DCP2: variants seen among roughly 807,000 people sequenced by gnomAD.
DCP2 encodes decapping mRNA 2.
A neutral mutation model predicts 56.1 loss-of-function variants in DCP2; 30 were observed. The observed-to-expected ratio is 0.53, with a 90% CI of 0.40 to 0.73. The LOEUF (loss-of-function observed/expected upper bound fraction) is 0.73, where lower values mean the gene tolerates loss of function less well. DCP2 is among the 30% of genes least tolerant of loss of function. DCP2 has a pLI of 0.00. For missense variants in DCP2, 533 were observed against 502.7 expected (o/e 1.06, Z -0.58); for synonymous variants, 197 against 163.3 (o/e 1.21, Z -1.57).
intron 8 of DCP2, among the ~76,000 whole-genome samples, chr5:113,004,735 C>T (rs1019022072): frequency 6.6e-6 from 1 of 151,946 alleles, no homozygotes; most frequent in African/African-American, 2.4e-5. Flanking sequence ...CAGCAAAATA[C>T]ATGAGAGTTC....
chr5:113,017,819 T>C lies in DCP2; in HGVS notation c.*4335T>C, dbSNP rs1447368784. 3.3e-5 allele frequency: 5 copies of C among 152,212 alleles called. No individual in the cohort carries two copies. The highest frequency in any genetic ancestry group is 1.2e-4 in the African/African-American group (5 of 41,458). The allele number at this position is 152,212 out of a possible 1,614,324, so 9.4% of individuals were successfully genotyped here. On this transcript the variant is annotated 3_prime_UTR_variant, in exon 11 of 11. Coordinates refer to ENST00000389063, the MANE Select transcript of DCP2 (RefSeq NM_152624.6). The stretch of plus-strand genomic sequence containing the variant: ...GCCTAAGTGTAGTCATTCATATATA[T>C]ATGAATATCTATATCTATATCTATA...
chr5:113,000,061 C>CAAAAAAAAA (rs60251393), intron 4 of DCP2, among the ~76,000 whole-genome samples: 1 of 89,956 alleles, frequency 1.1e-5, no homozygotes, highest in East Asian at 3.1e-4. Flanking sequence ...AACTCCATCT[C>CAAAAAAAAA]AAAAAAAAAA....
intron 8 of DCP2, among the ~76,000 whole-genome samples, chr5:113,005,895 G>A (rs1265112435): frequency 6.6e-6 from 1 of 152,178 alleles, no homozygotes; most frequent in African/African-American, 2.4e-5. Context: ...CTCTTTGGTA[G>A]GCTGAGGCAG....
chr5:113,012,320 T>C (rs1363348619), intron 10 of DCP2, among the ~76,000 whole-genome samples: 2 of 152,226 alleles, frequency 1.3e-5, no homozygotes, highest in Non-Finnish European at 2.9e-5. Context: ...TGATTATCAC[T>C]GTACTCCAGT....
At position 113,020,727 on chromosome 5, in the gene DCP2, C is replaced by T. The variant is rs1484274106; in HGVS notation, c.*7243C>T. The T allele has an allele frequency of 6.6e-6, 1 of 152,182 alleles. No homozygotes were observed. The allele number at this position is 152,182 out of a possible 1,614,324, so 9.4% of individuals were successfully genotyped here. On this transcript the variant is annotated 3_prime_UTR_variant, in exon 11 of 11. Transcript: ENST00000389063. ...GACCCACTAGAATGTCAGCTGTACT[C>T]TGTACTCTCCACTGAGAAAATGAAC...
chr5:113,004,333 T>C (rs911703965), intron 8 of DCP2, among the ~76,000 whole-genome samples: 3 of 152,226 alleles, frequency 2.0e-5, no homozygotes, highest in African/African-American at 4.8e-5. Flanking sequence ...CATTTAAAAA[T>C]AAGTCATAAG....
In DCP2 at chr5:113,013,426, G is replaced by T; in HGVS notation, c.1205G>T (p.Arg402Ile). 2 of 1,614,116 alleles carry T rather than the reference G, an allele frequency of 1.2e-6. No individual in the cohort carries two copies. The highest frequency in any genetic ancestry group is 1.7e-6 in the Non-Finnish European group (2 of 1,179,992). The change falls in exon 11 of 11, where the codon AGA becomes ATA. Residue 402 changes from arginine (R) to isoleucine (I), a missense_variant. Coordinates refer to ENST00000389063, the MANE Select transcript of DCP2 (RefSeq NM_152624.6). ...CATTGCAAGTTCCCCTTTTCATCCA[G>T]AGCCTTTTTGAGTTTCAAGTTTGAC... The part of the protein sequence containing the change: ...NGHCKFPFSS[R>I]AFLSFKFDHN...
At position 113,017,212 on chromosome 5, in the gene DCP2, T is replaced by A. The variant is rs1189176248; in HGVS notation, c.*3728T>A. On this transcript the variant is annotated 3_prime_UTR_variant, in exon 11 of 11. Coordinates refer to ENST00000389063, the MANE Select transcript of DCP2 (RefSeq NM_152624.6). ...TAGTAAAGTCAGACTCATTAACTTTTCTTCCTAGTAATTTTGACTTGGATT... is the reference window on the plus strand; with the variant it reads ...TAGTAAAGTCAGACTCATTAACTTTACTTCCTAGTAATTTTGACTTGGATT... The A allele has an allele frequency of 6.6e-6, 1 of 152,244 alleles. No individual in the cohort carries two copies. The highest frequency in any genetic ancestry group is 1.5e-5 in the Non-Finnish European group (1 of 68,044). 9.4% of individuals were successfully genotyped at this position (152,244 alleles called of 1,614,324 possible). A position where few individuals can be genotyped will look rare whatever the true frequency, so the allele number is the denominator to read the frequency against.
At chr5:112,991,892 T>A (rs1366398007) in intron 2 of DCP2, among the ~76,000 whole-genome samples, 2 of 152,180 alleles carry the variant, frequency 1.3e-5, no homozygotes, top group African/African-American at 4.8e-5. Context: ...AATGACTTTT[T>A]AAGAGAAAAC....
At chr5:113,010,893 A>G in intron 10 of DCP2, 86 bp downstream of exon 10, 3 of 1,370,756 alleles carry the variant, frequency 2.2e-6, no homozygotes, top group Admixed American at 2.3e-5. Context: ...GGAGTATGTG[A>G]TCTGTGATAG....
At position 113,014,918 on chromosome 5, in the gene DCP2, A is replaced by T. The variant is rs1749823050; in HGVS notation, c.*1434A>T. 6.6e-6 allele frequency: 1 copy of T among 152,652 alleles called. No homozygotes were observed. The highest frequency in any genetic ancestry group is 1.5e-5 in the Non-Finnish European group (1 of 68,032). 9.5% of individuals were successfully genotyped at this position (152,652 alleles called of 1,614,324 possible). On this transcript the variant is annotated 3_prime_UTR_variant, in exon 11 of 11. Coordinates refer to ENST00000389063, the MANE Select transcript of DCP2 (RefSeq NM_152624.6). ...CTGAACCTCATGGGACTTTTAAAAG[A>T]AGGGCTATTTAAGGAATTCACTTGG... is the stretch of plus-strand genomic sequence containing the variant.
Position 112,976,975 on chromosome 5 carries a change from C to G in DCP2, c.42C>G (p.Asp14Glu). The change falls in exon 1 of 11, where the codon GAC becomes GAG. Residue 14 changes from aspartate (D) to glutamate (E), a missense_variant. By Grantham distance (45) the Asp-to-Glu change is conservative. This residue lies in a region of DCP2 where 137 missense variants were observed against 138.2 expected (regional missense o/e 0.99). Coordinates refer to ENST00000389063, the MANE Select transcript of DCP2 (RefSeq NM_152624.6). ...TGGAGATTCCCGGCAGCGTCCTGGA[C>G]GATCTCTGCAGGTACCGCGCTACCC... ...KRVEIPGSVL[D>E]DLCSRFILHI... 1 of 1,592,992 alleles carries G rather than the reference C, an allele frequency of 6.3e-7. No individual in the cohort carries two copies. Among genetic ancestry groups the G allele is most frequent in the Non-Finnish European group, 8.6e-7 (1 of 1,164,250 alleles).
intron 9 of DCP2, among the ~76,000 whole-genome samples, chr5:113,009,883 C>G (rs915481701): frequency 6.6e-6 from 1 of 151,188 alleles, no homozygotes; most frequent in Non-Finnish European, 1.5e-5. Context: ...TACTAATTAG[C>G]TCTGGGTTGA....
intron 4 of DCP2, among the ~76,000 whole-genome samples, chr5:112,999,643 TA>T (rs1580818113): frequency 6.7e-6 from 1 of 148,900 alleles, no homozygotes; most frequent in Non-Finnish European, 1.5e-5. Flanking sequence ...TTTTTTTTTT[TA>T]AAGACAGGGT....
intron 8 of DCP2, among the ~76,000 whole-genome samples, 189 bp from the exon 9 acceptor site, chr5:113,007,749 G>A (rs1351327237): frequency 2.6e-5 from 4 of 152,204 alleles, no homozygotes; most frequent in Non-Finnish European, 2.9e-5. Flanking sequence ...CATACCTTTA[G>A]AGAACTCTTG....
At chr5:113,010,060 T>C (rs1749614798) in intron 9 of DCP2, among the ~76,000 whole-genome samples, 1 of 144,416 alleles carries the variant, frequency 6.9e-6, no homozygotes. Flanking sequence ...TGAGACAGGG[T>C]TTTGCTCTGT....
rs1750081446 is a variant in DCP2, at chr5:113,020,759, CTA to C, written c.*7277_*7278del. The C allele has an allele frequency of 6.6e-6, 1 of 152,144 alleles. No homozygotes were observed. The highest frequency in any genetic ancestry group is 1.5e-5 in the Non-Finnish European group (1 of 68,028). 9.4% of individuals were successfully genotyped at this position (152,144 alleles called of 1,614,324 possible). On this transcript the variant is annotated 3_prime_UTR_variant, in exon 11 of 11. Transcript: ENST00000389063. Reference sequence around the variant, plus strand: ...CTCCACTGAGAAAATGAACAAAATCCTATGTCTTAACAGTTATGCTCTAACTT... The same window carrying C: ...CTCCACTGAGAAAATGAACAAAATCCTGTCTTAACAGTTATGCTCTAACTT...
chr5:113,000,033 C>G (rs542197081), intron 4 of DCP2, among the ~76,000 whole-genome samples: 1 of 144,968 alleles, frequency 6.9e-6, no homozygotes, highest in Non-Finnish European at 1.5e-5. Context: ...TGCACTCCAG[C>G]CCGGGCAACA....
intron 4 of DCP2, among the ~76,000 whole-genome samples, chr5:112,997,309 G>T (rs1482897170): frequency 2.0e-5 from 3 of 152,184 alleles, no homozygotes. Context: ...AATCTCAATT[G>T]TATTTTTGTT....
Sources: allele counts gnomAD v4.1 joint callset (sites outside exome capture counted in the v4.1 genomes callset), GRCh38; gene constraint gnomAD v4.1.1; regional missense constraint gnomAD v4.1.1; transcripts MANE v1.5; gene names NCBI Gene and HGNC (gene_info 2026-07-23, HGNC 2026-07-21).